The following TMEM132C variants were observed in gnomAD, a reference collection of about 807,000 sequenced individuals.
TMEM132C encodes the protein protein phosphatase 1, regulatory subunit 152.
In TMEM132C, 29 loss-of-function variants were observed where a neutral mutation model predicts 61.4. That is an observed-to-expected ratio of 0.47 (90% confidence interval 0.35 to 0.64). The LOEUF is 0.64. Among genes scored for constraint, TMEM132C ranks in the 30% least tolerant of loss-of-function variants. TMEM132C has a pLI of 0.00. For synonymous variants in TMEM132C, 656 were observed against 633.1 expected (o/e 1.04, Z -0.54); for missense variants, 1,408 against 1,476.9 (o/e 0.95, Z 0.76).
In TMEM132C at chr12:128,442,942, T is replaced by C. The variant is rs183802024; in HGVS notation, c.974+27322T>C. On this transcript the variant is annotated intron_variant, in intron 2 of 8. Transcript: ENST00000435159. ...ATTTGACTATAAACTATATATTAAG[T>C]GATATTTTTGAATGAATAAAAACTG... 8.5e-5 allele frequency among the ~76,000 whole-genome samples: 13 copies of C among 152,292 alleles called. No homozygotes were observed. The East Asian group carries it at 2.5e-3, about 29-fold the overall frequency.
intron 1 of TMEM132C, among the ~76,000 whole-genome samples, chr12:128,279,391 A>G (rs1400188567): frequency 1.3e-5 from 2 of 152,192 alleles, no homozygotes; most frequent in African/African-American, 4.8e-5. Flanking sequence ...AGCAAACACC[A>G]GCTGCATGTT....
At chr12:128,438,386 T>G (rs1297526404) in intron 2 of TMEM132C, among the ~76,000 whole-genome samples, 1 of 152,154 alleles carries the variant, frequency 6.6e-6, no homozygotes, top group Non-Finnish European at 1.5e-5. Context: ...TCTCTCATGC[T>G]TCCTCTCTTG....
intron 5 of TMEM132C, among the ~76,000 whole-genome samples, chr12:128,676,674 A>G (rs1476055831): frequency 6.6e-6 from 1 of 152,102 alleles, no homozygotes; most frequent in Non-Finnish European, 1.5e-5. Context: ...ACATACACAT[A>G]CACGCTCACA....
chr12:128,453,370 C>G (rs1206770260), intron 2 of TMEM132C, among the ~76,000 whole-genome samples: 1 of 152,192 alleles, frequency 6.6e-6, no homozygotes. Flanking sequence ...TCTGGTCTCC[C>G]ACGGGAGTGG....
chr12:128,686,105 T>C (rs900965705), intron 5 of TMEM132C, among the ~76,000 whole-genome samples: 2 of 122,582 alleles, frequency 1.6e-5, no homozygotes, highest in African/African-American at 2.6e-5. Flanking sequence ...CGCATGTGTG[T>C]GCATGTGTGT....
intron 1 of TMEM132C, among the ~76,000 whole-genome samples, chr12:128,391,422 A>G (rs1226794217): frequency 4.6e-5 from 7 of 152,184 alleles, no homozygotes; most frequent in African/African-American, 1.7e-4. Flanking sequence ...AAGTGGGCAC[A>G]TGTATTCCCC....
At chr12:128,286,110 T>G (rs1028439983) in intron 1 of TMEM132C, among the ~76,000 whole-genome samples, 3 of 149,450 alleles carry the variant, frequency 2.0e-5, no homozygotes, top group Non-Finnish European at 3.0e-5. Context: ...TCTCCCTTTC[T>G]CTCTCTCTCT....
At chr12:128,397,994 C>G (rs774662335) in intron 1 of TMEM132C, among the ~76,000 whole-genome samples, 1 of 152,016 alleles carries the variant, frequency 6.6e-6, no homozygotes, top group South Asian at 2.1e-4. Context: ...CTTATCCTAT[C>G]CCTCTGTTGA....
At chr12:128,306,421 C>G (rs1196918250) in intron 1 of TMEM132C, among the ~76,000 whole-genome samples, 5 of 151,990 alleles carry the variant, frequency 3.3e-5, no homozygotes, top group Non-Finnish European at 7.4e-5. Context: ...CCAGGATGGT[C>G]TCGATCTCCT....
At chr12:128,514,683 C>CA (rs1872666363) in intron 2 of TMEM132C, among the ~76,000 whole-genome samples, 1 of 152,126 alleles carries the variant, frequency 6.6e-6, no homozygotes, top group Non-Finnish European at 1.5e-5. Flanking sequence ...CATAATGGAA[C>CA]CCAAGAGTGA....
At chr12:128,486,665 C>T (rs1304830062) in intron 2 of TMEM132C, among the ~76,000 whole-genome samples, 3 of 152,078 alleles carry the variant, frequency 2.0e-5, no homozygotes, top group Admixed American at 6.5e-5. Flanking sequence ...GTTGAAGAAA[C>T]AATGACAAGC....
chr12:128,649,349 CACT>C (rs1954244212), intron 4 of TMEM132C, among the ~76,000 whole-genome samples: 1 of 152,234 alleles, frequency 6.6e-6, no homozygotes, highest in African/African-American at 2.4e-5. Context: ...AGAGCTGACA[CACT>C]GGTTCTTCTC....
At chr12:128,473,021 A>T (rs945537289) in intron 2 of TMEM132C, among the ~76,000 whole-genome samples, 3 of 152,136 alleles carry the variant, frequency 2.0e-5, no homozygotes, top group Non-Finnish European at 2.9e-5. Flanking sequence ...CTTCTGGAGG[A>T]TCTAGGGAAG....
At chr12:128,525,883 T>G (rs1593086113) in intron 2 of TMEM132C, among the ~76,000 whole-genome samples, 1 of 152,200 alleles carries the variant, frequency 6.6e-6, no homozygotes, top group Non-Finnish European at 1.5e-5. Flanking sequence ...TCTTCATACC[T>G]GGAGAACCAC....
chr12:128,621,218 T>A (rs1212646454), intron 4 of TMEM132C, among the ~76,000 whole-genome samples: 1 of 152,082 alleles, frequency 6.6e-6, no homozygotes, highest in Admixed American at 6.6e-5. Context: ...AGGGAATGGG[T>A]TGAATTATGC....
intron 3 of TMEM132C, among the ~76,000 whole-genome samples, chr12:128,593,676 A>T (rs1875841177): frequency 6.6e-6 from 1 of 152,170 alleles, no homozygotes; most frequent in Non-Finnish European, 1.5e-5. Context: ...GCTGAGGCAC[A>T]TTCGACACCC....
At chr12:128,584,631 T>G (rs559334147) in intron 3 of TMEM132C, among the ~76,000 whole-genome samples, 1 of 152,350 alleles carries the variant, frequency 6.6e-6, no homozygotes, top group South Asian at 2.1e-4. Context: ...TTTCTGCTGC[T>G]CTTCACATGT....
intron 1 of TMEM132C, among the ~76,000 whole-genome samples, chr12:128,403,922 G>C (rs1875251433): frequency 6.6e-6 from 1 of 152,184 alleles, no homozygotes; most frequent in South Asian, 2.1e-4. Context: ...AGTTAGATCA[G>C]GGTTTGTCAA....
At chr12:128,477,774 G>T (rs545219628) in intron 2 of TMEM132C, among the ~76,000 whole-genome samples, 3 of 152,244 alleles carry the variant, frequency 2.0e-5, no homozygotes, top group East Asian at 1.9e-4. Context: ...TAGAGACAGG[G>T]TTTCACCATA....
Sources: allele counts gnomAD v4.1 joint callset (sites outside exome capture counted in the v4.1 genomes callset), GRCh38; gene constraint gnomAD v4.1.1; transcripts MANE v1.5; gene names NCBI Gene and HGNC (gene_info 2026-07-23, HGNC 2026-07-21).